Variants in NCAPD2 observed in about 807,000 individuals in gnomAD.
NCAPD2 encodes non-SMC condensin I complex subunit D2.
Under a neutral mutation model 164.5 loss-of-function variants are expected in NCAPD2, and 100 were observed. The observed-to-expected ratio is 0.61, with a 90% CI of 0.52 to 0.72. The LOEUF (loss-of-function observed/expected upper bound fraction) is 0.72, where lower values mean the gene tolerates loss of function less well. NCAPD2 is among the 30% of genes least tolerant of loss of function. The pLI, the probability that NCAPD2 is intolerant of heterozygous loss-of-function variation, is 0.00. For missense variants in NCAPD2, 1,560 were observed against 1,749.2 expected (o/e 0.89, Z 1.93); for synonymous variants, 585 against 642.6 (o/e 0.91, Z 1.36).
chr12:6,529,628 G>A (rs766477719), intron 28 of NCAPD2, 35 bp downstream of exon 28: 12 of 1,611,876 alleles, frequency 7.4e-6, no homozygotes, highest in Middle Eastern at 1.7e-4. Flanking sequence ...TTTGTGCTGA[G>A]CGGGGCCCTG....
chr12:6,518,520 T>TTTTTG (rs1565544194), intron 13 of NCAPD2, among the ~76,000 whole-genome samples: 17 of 114,014 alleles, frequency 1.5e-4, no homozygotes, highest in African/African-American at 5.7e-4. Flanking sequence ...TTTTTTTTTT[T>TTTTTG]TTTTTTTTTT....
chr12:6,494,676 C>T (rs1945958965), intron 1 of NCAPD2, among the ~76,000 whole-genome samples: 4 of 152,208 alleles, frequency 2.6e-5, no homozygotes, highest in Admixed American at 2.6e-4. Flanking sequence ...TAGTACTTTG[C>T]ACATTAATAT....
At chr12:6,524,648 CA>C (rs35443041) in intron 17 of NCAPD2, among the ~76,000 whole-genome samples, 2,793 of 66,530 alleles carry the variant, frequency 0.042, 44 homozygotes, top group African/African-American at 0.13. Flanking sequence ...GACTCTGTCT[CA>C]AAAAAAAAAA....
chr12:6,514,751 CTG>C lies in NCAPD2; in HGVS notation c.840-18_840-17del, dbSNP rs1166748448. ...GAATAATTGATCTATGTTGCTATGGCTGTGTTTTCTTCCCTGTGTAGAGAGAT... is the reference window on the plus strand; with the variant it reads ...GAATAATTGATCTATGTTGCTATGGCTGTTTTCTTCCCTGTGTAGAGAGAT... On this transcript the variant is annotated intron_variant, in intron 8 of 31. Coordinates refer to ENST00000315579, the MANE Select transcript of NCAPD2 (RefSeq NM_014865.4). 1 of 1,613,578 alleles carries C rather than the reference CTG, an allele frequency of 6.2e-7. No homozygotes were observed.
chr12:6,494,633 C>G (rs1945958660), intron 1 of NCAPD2, among the ~76,000 whole-genome samples: 1 of 152,234 alleles, frequency 6.6e-6, no homozygotes, highest in South Asian at 2.1e-4. Context: ...TCTCTCTATA[C>G]TTAAGGAGCT....
rs1565547451 is a variant in NCAPD2, at chr12:6,528,276, G to GC, written c.3249dup (p.Ile1084HisfsTer72). 1 of 1,613,638 alleles carries GC rather than the reference G, an allele frequency of 6.2e-7. No individual in the cohort carries two copies. On this transcript the variant is annotated frameshift_variant, in exon 25 of 32. Transcript: ENST00000315579. LOFTEE classifies it high-confidence loss of function. This position sits in a 1 kb window ranked among gnomAD's most constrained non-coding sequence, Gnocchi z 5.1. ...CCTCATGGTTGCCACTGGGGATCTG[G>GC]CCATCCGCTTTCCCAATCTGGTGGA...
rs763337486 is a variant in NCAPD2, at chr12:6,514,525, T to G, written c.777T>G (p.Val259=). The G allele has an allele frequency of 6.2e-7, 1 of 1,614,258 alleles. No homozygotes were observed. Among genetic ancestry groups the G allele is most frequent in the South Asian group, 1.1e-5 (1 of 91,086 alleles). ...QHFEHLAPVL[V]AAVSLWATDY... is the part of the protein sequence containing the mutation. ...TTGAACACCTGGCACCTGTACTGGT[T>G]GCAGCCGTGAGTCTATGGGCAACTG... is the stretch of plus-strand genomic sequence containing the variant. The change falls in exon 8 of 32, where the codon GTT becomes GTG. Residue 259 remains valine (V), a synonymous_variant. Coordinates refer to ENST00000315579, the MANE Select transcript of NCAPD2 (RefSeq NM_014865.4).
At chr12:6,502,992 A>G (rs985072150) in intron 2 of NCAPD2, among the ~76,000 whole-genome samples, 6 of 142,042 alleles carry the variant, frequency 4.2e-5, no homozygotes, top group African/African-American at 1.6e-4. Context: ...TTACAGGCGC[A>G]TGCCACCACA....
intron 28 of NCAPD2, 65 bp from the exon 29 acceptor site, chr12:6,529,710 T>TG: frequency 1.2e-6 from 2 of 1,600,916 alleles, no homozygotes; most frequent in Non-Finnish European, 1.7e-6. Flanking sequence ...GGGAGGCTGA[T>TG]GGGGAAGGTT....
Position 6,523,054 on chromosome 12 carries a change from A to C in NCAPD2, c.2129+52A>C, listed in dbSNP as rs112719538. ...GACTTTTCCAAGGTCAGCTTCTCAC[A>C]GGACTTCCCTTGTCTCCTAAAGGAA... On this transcript the variant is annotated intron_variant, in intron 16 of 31. Coordinates refer to ENST00000315579, the MANE Select transcript of NCAPD2 (RefSeq NM_014865.4). 8.1e-3 allele frequency: 12,927 copies of C among 1,597,528 alleles called. 56 individuals carry two copies. The highest frequency in any genetic ancestry group is 9.8e-3 in the Non-Finnish European group (11,460 of 1,167,640).
chr12:6,523,066 G>A (rs1946279584), intron 16 of NCAPD2, 64 bp downstream of exon 16: 1 of 1,577,150 alleles, frequency 6.3e-7, no homozygotes, highest in East Asian at 2.2e-5. Context: ...GACTTCCCTT[G>A]TCTCCTAAAG....
At chr12:6,504,230 T>TACATATATAC (rs1244264606) in intron 2 of NCAPD2, among the ~76,000 whole-genome samples, 2 of 78,878 alleles carry the variant, frequency 2.5e-5, no homozygotes, top group African/African-American at 1.5e-4. Context: ...TATAGATATA[T>TACATATATAC]ATATATATAT....
intron 2 of NCAPD2, among the ~76,000 whole-genome samples, chr12:6,506,189 C>T (rs1946097396): frequency 6.6e-6 from 1 of 152,120 alleles, no homozygotes; most frequent in African/African-American, 2.4e-5. Context: ...AGCTCCTGAC[C>T]TCAAGTGATC....
chr12:6,503,557 G>A (rs1342920188), intron 2 of NCAPD2, among the ~76,000 whole-genome samples: 2 of 151,992 alleles, frequency 1.3e-5, no homozygotes, highest in Non-Finnish European at 2.9e-5. Flanking sequence ...AGATCACAAG[G>A]TCAGGAGTTC....
At position 6,525,689 on chromosome 12, in the gene NCAPD2, C is replaced by G; in HGVS notation, c.2321C>G (p.Ser774Cys). 2 of 1,613,792 alleles carry G rather than the reference C, an allele frequency of 1.2e-6. No individual in the cohort carries two copies. The highest frequency in any genetic ancestry group is 1.7e-6 in the Non-Finnish European group (2 of 1,179,994). ...VACCPLERCS[S>C]VMLLGMMARG... Reference sequence around the variant, plus strand: ...TGCTGTCCTCTGGAGCGCTGTTCCTCTGTCATGCTTCTTGGCATGATGGCA... The same window carrying G: ...TGCTGTCCTCTGGAGCGCTGTTCCTGTGTCATGCTTCTTGGCATGATGGCA... The change falls in exon 18 of 32, where the codon TCT becomes TGT. Residue 774 changes from serine (S) to cysteine (C), a missense_variant. Coordinates refer to ENST00000315579, the MANE Select transcript of NCAPD2 (RefSeq NM_014865.4).
chr12:6,515,562 A>G (rs1325126234), intron 9 of NCAPD2, among the ~76,000 whole-genome samples: 2 of 152,110 alleles, frequency 1.3e-5, no homozygotes, highest in Admixed American at 1.3e-4. Context: ...TCCTCAAACA[A>G]TGAACTTTCT....
chr12:6,531,009 CA>C lies in NCAPD2; in HGVS notation c.4054del (p.Thr1352ProfsTer28), dbSNP rs1946367670. 6.2e-7 allele frequency: 1 copy of C among 1,614,214 alleles called. No homozygotes were observed. The part of the protein sequence containing the change: ...PRRTTRRHPN[T>X]QQRASKKKPK... ...GCCGTACTACCCGTCGGCATCCAAA[CA>C]CCCAGCAGCGAGCTTCCAAAAAGAA... On this transcript the variant is annotated frameshift_variant, in exon 31 of 32. Transcript: ENST00000315579. LOFTEE classifies it high-confidence loss of function. The surrounding 1 kb of genome is among the most constrained non-coding windows in gnomAD (Gnocchi z 4.1).
rs530667156 is a variant in NCAPD2, at chr12:6,527,236, G to A, written c.2907+173G>A. Among the ~76,000 whole-genome samples the A allele has an allele frequency of 1.9e-3, 289 of 152,354 alleles. 2 individuals carry two copies. Among genetic ancestry groups the A allele is most frequent in the Non-Finnish European group, 3.5e-3 (239 of 68,034 alleles). On this transcript the variant is annotated intron_variant, in intron 22 of 31. Coordinates refer to ENST00000315579, the MANE Select transcript of NCAPD2 (RefSeq NM_014865.4). ...CGTGTGAACAATGACGAAACTGTCA[G>A]TGATCACCCAGGAAGGAAAGATTTA...
Position 6,527,842 on chromosome 12 carries a change from A to G in NCAPD2, c.2973A>G (p.Thr991=). ...LGLVGATADD[T]EAELIRGICE... is the part of the protein sequence containing the mutation. ...TGGTTGGGGCAACAGCAGATGACACAGAGGCAGAACTAATCCGTGGCATCT... is the reference window on the plus strand; with the variant it reads ...TGGTTGGGGCAACAGCAGATGACACGGAGGCAGAACTAATCCGTGGCATCT... The change falls in exon 23 of 32, where the codon ACA becomes ACG. Residue 991 remains threonine, a synonymous_variant. Coordinates refer to ENST00000315579, the MANE Select transcript of NCAPD2 (RefSeq NM_014865.4). 6.2e-7 allele frequency: 1 copy of G among 1,614,006 alleles called. No individual in the cohort carries two copies. Among genetic ancestry groups the G allele is most frequent in the East Asian group, 2.2e-5 (1 of 44,882 alleles).
Sources: allele counts gnomAD v4.1 joint callset (sites outside exome capture counted in the v4.1 genomes callset), GRCh38; gene constraint gnomAD v4.1.1; non-coding constraint Gnocchi (gnomAD v3.1); transcripts MANE v1.5; gene names NCBI Gene and HGNC (gene_info 2026-07-23, HGNC 2026-07-21).